Variants in DLGAP1 observed in about 807,000 individuals in gnomAD.
DLGAP1 encodes the protein DLG associated protein 1.
In DLGAP1, 11 loss-of-function variants were observed where a neutral mutation model predicts 90.8. The ratio of observed to expected loss-of-function variants is 0.12; its 90% CI spans 0.08 to 0.20. The LOEUF (loss-of-function observed/expected upper bound fraction) is 0.20. Among genes scored for constraint, DLGAP1 ranks in the 10% least tolerant of loss-of-function variants. DLGAP1 has a pLI of 1.00. For synonymous variants in DLGAP1, 558 were observed against 540.7 expected (o/e 1.03, Z -0.44); for missense variants, 1,050 against 1,333.8 (o/e 0.79, Z 3.31).
chr18:4,013,806 T>C (rs2074472088), intron 2 of DLGAP1: 1 of 152,214 alleles, frequency 6.6e-6, no homozygotes, highest in African/African-American at 2.4e-5. Context: ...CTTTAATGAA[T>C]CTACTTATGA....
At chr18:3,903,636 G>A (rs917751213) in intron 3 of DLGAP1, among the ~76,000 whole-genome samples, 4 of 152,156 alleles carry the variant, frequency 2.6e-5, no homozygotes, top group Non-Finnish European at 5.9e-5. Context: ...TTTACAGCAT[G>A]TATTTCACTC....
At chr18:3,845,444 A>G (rs2068954116) in intron 4 of DLGAP1, 5 of 1,346,362 alleles carry the variant, frequency 3.7e-6, no homozygotes, top group Non-Finnish European at 9.6e-7. Context: ...GCAACTTTAC[A>G]TTTTCATTCA....
chr18:3,799,032 C>T, intron 5 of DLGAP1, among the ~76,000 whole-genome samples: 1 of 152,124 alleles, frequency 6.6e-6, no homozygotes, highest in Admixed American at 6.5e-5. Context: ...TGCTACCACA[C>T]CTGGCTAATT....
At chr18:3,803,797 G>A (rs181319747) in intron 5 of DLGAP1, among the ~76,000 whole-genome samples, 3 of 152,020 alleles carry the variant, frequency 2.0e-5, no homozygotes, top group Admixed American at 6.5e-5. Flanking sequence ...AAATCAACTC[G>A]AAATTCCTTC....
At chr18:4,316,757 G>A (rs1282522234) in intron 1 of DLGAP1, among the ~76,000 whole-genome samples, 1 of 152,122 alleles carries the variant, frequency 6.6e-6, no homozygotes, top group African/African-American at 2.4e-5. Flanking sequence ...ACTGTGCCCC[G>A]ATGTGATTAA....
chr18:4,140,080 C>T (rs1002739174), intron 2 of DLGAP1, among the ~76,000 whole-genome samples: 1 of 151,800 alleles, frequency 6.6e-6, no homozygotes, highest in Non-Finnish European at 1.5e-5. Context: ...TTTTGACTGG[C>T]AAGTTAAATC....
intron 2 of DLGAP1, among the ~76,000 whole-genome samples, chr18:4,109,939 T>C (rs1306929721): frequency 6.6e-6 from 1 of 152,140 alleles, no homozygotes; most frequent in Non-Finnish European, 1.5e-5. Context: ...ATGTGAAATA[T>C]ATATATTCAT....
At chr18:4,269,855 C>G (rs538030540) in intron 1 of DLGAP1, among the ~76,000 whole-genome samples, 132 of 152,034 alleles carry the variant, frequency 8.7e-4, no homozygotes, top group Admixed American at 3.4e-3. Flanking sequence ...GGGAGAATTT[C>G]TTGAGTTCTG....
chr18:3,935,191 C>T (rs900353264), intron 3 of DLGAP1, among the ~76,000 whole-genome samples: 2 of 152,190 alleles, frequency 1.3e-5, no homozygotes, highest in African/African-American at 4.8e-5. Flanking sequence ...AACCTTGTGA[C>T]ATGGATAAAG....
chr18:3,621,953 G>A (rs2058108176), intron 7 of DLGAP1, among the ~76,000 whole-genome samples: 1 of 152,094 alleles, frequency 6.6e-6, no homozygotes, highest in Non-Finnish European at 1.5e-5. Context: ...GTGACAGAGT[G>A]AGACCCTATC....
chr18:4,223,659 C>G (rs747829731), intron 1 of DLGAP1, among the ~76,000 whole-genome samples: 1 of 152,142 alleles, frequency 6.6e-6, no homozygotes, highest in African/African-American at 2.4e-5. Context: ...TATGTAAAGG[C>G]ATTACTATAA....
Position 4,454,404 on chromosome 18 carries a change from A to ATT in DLGAP1, c.-267+600_-267+601dup, listed in dbSNP as rs763438620. Among the ~76,000 whole-genome samples the ATT allele has an allele frequency of 1.4e-4, 10 of 72,368 alleles. No homozygotes were observed. The highest frequency in any genetic ancestry group is 4.0e-4 in the African/African-American group (10 of 25,308). The allele number at this position is 72,368 out of a possible 152,430, so 47.5% of individuals were successfully genotyped here. ...TCCAGTGACCTCCTCCTTGGACCCC[A>ATT]TTTCTCTCTCTCTCTCTCTCTCTGT... On this transcript the variant is annotated intron_variant, in intron 1 of 12. Transcript: ENST00000315677. This position sits in a 1 kb window ranked among gnomAD's most constrained non-coding sequence, Gnocchi z 4.7.
At position 3,713,786 on chromosome 18, in the gene DLGAP1, G is replaced by A. The variant is rs192254410; in HGVS notation, c.1591+15349C>T. Among the ~76,000 whole-genome samples the A allele has an allele frequency of 3.3e-5, 5 of 152,172 alleles. No homozygotes were observed. In the East Asian group the frequency reaches 5.8e-4, roughly 18 times the overall value. On this transcript the variant is annotated intron_variant, in intron 7 of 12. Transcript: ENST00000315677. ...CACAGAGCACTCAGGAGAGCCTGGCGCACTGCAGATGTTCAGTGGGTGTCC... is the reference window on the plus strand; with the variant it reads ...CACAGAGCACTCAGGAGAGCCTGGCACACTGCAGATGTTCAGTGGGTGTCC...
chr18:4,425,444 A>G lies in DLGAP1; in HGVS notation c.-267+29562T>C, dbSNP rs562687474. Among the ~76,000 whole-genome samples, 8 of 152,328 alleles carry G rather than the reference A, an allele frequency of 5.3e-5. No homozygotes were observed. In the South Asian group the frequency reaches 1.2e-3, roughly 24 times the overall value. ...CAGGGACTGGCGTAGTGGTACAGTC[A>G]TGATGACAGGACACACTGAACACAA... On this transcript the variant is annotated intron_variant, in intron 1 of 12. Coordinates refer to ENST00000315677, the MANE Select transcript of DLGAP1 (RefSeq NM_004746.4).
chr18:4,053,747 C>A (rs1287837972), intron 2 of DLGAP1, among the ~76,000 whole-genome samples: 1 of 152,108 alleles, frequency 6.6e-6, no homozygotes, highest in Non-Finnish European at 1.5e-5. Context: ...TTATAAATTA[C>A]CCAGGTAGTT....
chr18:4,239,377 GAAGA>G, intron 1 of DLGAP1, among the ~76,000 whole-genome samples: 2 of 152,020 alleles, frequency 1.3e-5, no homozygotes, highest in East Asian at 3.9e-4. Flanking sequence ...CAAAGGAACT[GAAGA>G]AAGAAGAAAA....
intron 2 of DLGAP1, among the ~76,000 whole-genome samples, chr18:4,052,026 C>T (rs1252060737): frequency 6.6e-6 from 1 of 152,238 alleles, no homozygotes; most frequent in Non-Finnish European, 1.5e-5. Context: ...CCTTGGGCAG[C>T]TCTGCCCCTG....
chr18:4,323,730 C>A (rs183769456), intron 1 of DLGAP1, among the ~76,000 whole-genome samples: 1 of 152,082 alleles, frequency 6.6e-6, no homozygotes, highest in Non-Finnish European at 1.5e-5. Context: ...TCACTCAAAC[C>A]ATAAAATTAC....
At position 4,177,772 on chromosome 18, in the gene DLGAP1, C is replaced by CCA. The variant is rs1241451930; in HGVS notation, c.-266-26487_-266-26486dup. Among the ~76,000 whole-genome samples, 8 of 152,204 alleles carry CCA rather than the reference C, an allele frequency of 5.3e-5. No homozygotes were observed. The South Asian group carries it at 1.7e-3, about 32-fold the overall frequency. ...TTAGGATAAGGGCCTCTAGCTTCAT[C>CCA]CACTTTGCTGCAAAGGACATTATCT... On this transcript the variant is annotated intron_variant, in intron 1 of 12. Coordinates refer to ENST00000315677, the MANE Select transcript of DLGAP1 (RefSeq NM_004746.4).
Sources: allele counts gnomAD v4.1 joint callset (sites outside exome capture counted in the v4.1 genomes callset), GRCh38; gene constraint gnomAD v4.1.1; non-coding constraint Gnocchi (gnomAD v3.1); transcripts MANE v1.5; gene names NCBI Gene and HGNC (gene_info 2026-07-23, HGNC 2026-07-21).